The following SPMIP7 variants were observed in gnomAD, a reference collection of about 807,000 sequenced individuals.
SPMIP7 encodes the protein protein SPMIP7.
At chr7:50,134,319 A>G in the SPMIP7 span, 1 of 1,314,228 alleles carries the variant, frequency 7.6e-7, no homozygotes, top group African/African-American at 1.5e-5. Flanking sequence ...TTAAGTCAAA[A>G]TAATACTTAT....
chr7:50,121,602 CT>C, the SPMIP7 span, among the ~76,000 whole-genome samples: 1 of 151,812 alleles, frequency 6.6e-6, no homozygotes, highest in African/African-American at 2.4e-5. Context: ...TTTCACGAAT[CT>C]TTTTTTTCTG....
the SPMIP7 span, among the ~76,000 whole-genome samples, chr7:50,105,482 C>A: frequency 6.6e-6 from 1 of 151,984 alleles, no homozygotes; most frequent in Non-Finnish European, 1.5e-5. Flanking sequence ...TTTTTCTCAC[C>A]TTTTCCTTCA....
chr7:50,145,837 C>T, the SPMIP7 span, among the ~76,000 whole-genome samples: 18 of 150,988 alleles, frequency 1.2e-4, no homozygotes, highest in Admixed American at 7.3e-4. Flanking sequence ...GCTTGTTTTT[C>T]CAAACTAGGC....
At chr7:50,101,475 G>A in the SPMIP7 span, among the ~76,000 whole-genome samples, 3 of 152,160 alleles carry the variant, frequency 2.0e-5, no homozygotes, top group African/African-American at 7.2e-5. Flanking sequence ...TGAATCCTGG[G>A]AGAGAATAAA....
chr7:50,115,175 A>G, the SPMIP7 span, among the ~76,000 whole-genome samples: 3 of 152,230 alleles, frequency 2.0e-5, no homozygotes, highest in East Asian at 1.9e-4. Flanking sequence ...CTGTAATAAC[A>G]TCAGACAAAG....
At chr7:50,107,424 G>T in the SPMIP7 span, among the ~76,000 whole-genome samples, 1 of 127,624 alleles carries the variant, frequency 7.8e-6, no homozygotes, top group African/African-American at 2.9e-5. Context: ...AGAAAATTGG[G>T]GGTAAAAGCA....
chr7:50,155,051 A>T, the SPMIP7 span, among the ~76,000 whole-genome samples: 3 of 152,110 alleles, frequency 2.0e-5, no homozygotes, highest in Non-Finnish European at 4.4e-5. Flanking sequence ...TTTTCTTGCT[A>T]TTGAGTTGTA....
At chr7:50,098,842 G>GGA in the SPMIP7 span, among the ~76,000 whole-genome samples, 14 of 151,476 alleles carry the variant, frequency 9.2e-5, no homozygotes, top group East Asian at 7.8e-4. Context: ...CGAATCTGGG[G>GGA]GGATACAGAC....
At chr7:50,127,617 C>CTATATATATATA in the SPMIP7 span, among the ~76,000 whole-genome samples, 26,455 of 141,820 alleles carry the variant, frequency 0.19, 2,971 homozygotes, top group East Asian at 0.51. Flanking sequence ...ATATCTTTTT[C>CTATATATATATA]TATATATATA....
the SPMIP7 span, among the ~76,000 whole-genome samples, chr7:50,116,266 C>A: frequency 3.3e-5 from 5 of 152,186 alleles, no homozygotes; most frequent in African/African-American, 1.2e-4. Context: ...CAGGCATGCA[C>A]CACCATGCCC....
At chr7:50,117,386 T>A in the SPMIP7 span, 1 of 353,692 alleles carries the variant, frequency 2.8e-6, no homozygotes, top group Non-Finnish European at 5.7e-6. Context: ...TGAGCCGCTT[T>A]TAAGACACGA....
the SPMIP7 span, among the ~76,000 whole-genome samples, chr7:50,132,551 A>C: frequency 6.6e-6 from 1 of 152,172 alleles, no homozygotes; most frequent in Non-Finnish European, 1.5e-5. Context: ...GGAAAATTCC[A>C]TAAAATATTT....
At chr7:50,145,612 GTGTGTGTATATATATATATATATA>G in the SPMIP7 span, among the ~76,000 whole-genome samples, 25 of 36,900 alleles carry the variant, frequency 6.8e-4, 3 homozygotes, top group East Asian at 3.8e-3. Context: ...GTGTGTATAT[GTGTGTGTATATATATATATATATA>G]TATATATATA....
chr7:50,099,782 A>G, the SPMIP7 span, among the ~76,000 whole-genome samples: 1 of 152,194 alleles, frequency 6.6e-6, no homozygotes, highest in Non-Finnish European at 1.5e-5. Context: ...GAGCAGCCCC[A>G]GAGAAGCTGG....
At chr7:50,104,326 CT>C in the SPMIP7 span, 1 of 1,529,224 alleles carries the variant, frequency 6.5e-7, no homozygotes, top group East Asian at 2.5e-5. Context: ...TGGACAAGCC[CT>C]CTGAAAGTTA....
chr7:50,105,273 C>T, the SPMIP7 span, among the ~76,000 whole-genome samples: 10 of 152,112 alleles, frequency 6.6e-5, no homozygotes, highest in South Asian at 2.1e-4. Flanking sequence ...CAATGTTCTT[C>T]GAATATTCAC....
the SPMIP7 span, among the ~76,000 whole-genome samples, chr7:50,125,129 CACACACACACACAT>C: frequency 2.7e-5 from 2 of 73,312 alleles, no homozygotes; most frequent in African/African-American, 8.9e-5. Flanking sequence ...CACACACACA[CACACACACACACAT>C]ATACACACAT....
the SPMIP7 span, among the ~76,000 whole-genome samples, chr7:50,125,219 C>CATAT: frequency 4.4e-4 from 32 of 72,216 alleles, 1 homozygote; most frequent in African/African-American, 1.8e-3. Flanking sequence ...TATATATACA[C>CATAT]ATATATACAC....
At chr7:50,142,363 T>TA in the SPMIP7 span, 6 of 152,228 alleles carry the variant, frequency 3.9e-5, no homozygotes, top group Non-Finnish European at 8.8e-5. Flanking sequence ...AGATTTGGTG[T>TA]AAAAATGAAC....
Sources: allele counts gnomAD v4.1 joint callset (sites outside exome capture counted in the v4.1 genomes callset), GRCh38; gene constraint gnomAD v4.1.1; transcripts MANE v1.5; gene names NCBI Gene and HGNC (gene_info 2026-07-23, HGNC 2026-07-21).